Variants in PRR16 observed in about 807,000 individuals in gnomAD.
PRR16 encodes protein Largen.
Under a neutral mutation model 18.2 loss-of-function variants are expected in PRR16, and 6 were observed. The ratio of observed to expected loss-of-function variants is 0.33; its 90% CI spans 0.18 to 0.65. The LOEUF (loss-of-function observed/expected upper bound fraction) is 0.65, where lower values mean the gene tolerates loss of function less well. PRR16 is among the 30% of genes least tolerant of loss of function. The pLI is 0.74. For synonymous variants in PRR16, 151 were observed against 147.8 expected (o/e 1.02, Z -0.16); for missense variants, 412 against 376.6 (o/e 1.09, Z -0.78).
chr5:120,614,485 T>A (rs74535708), intron 1 of PRR16, among the ~76,000 whole-genome samples: 8,941 of 152,328 alleles, frequency 0.059, 340 homozygotes, highest in South Asian at 0.085. Flanking sequence ...GACATTTTCC[T>A]TGTAGTATGG....
Position 120,501,769 on chromosome 5 carries a change from C to A in PRR16, c.159+37124C>A, listed in dbSNP as rs567888383. 4.2e-3 allele frequency among the ~76,000 whole-genome samples: 641 copies of A among 151,712 alleles called. 2 individuals carry two copies. Among genetic ancestry groups the A allele is most frequent in the Non-Finnish European group, 7.0e-3 (473 of 67,862 alleles). ...CAGGAGACTGAGACCATCCTGGCTA[C>A]CACAGTGAAACCCTGTCTCAACTAA... On this transcript the variant is annotated intron_variant, in intron 1 of 1. Transcript: ENST00000407149.
chr5:120,718,136 A>G, the PRR16 span, among the ~76,000 whole-genome samples: 5 of 152,260 alleles, frequency 3.3e-5, no homozygotes, highest in Admixed American at 2.0e-4. Flanking sequence ...TCACTAATGC[A>G]TAAGATAATA....
the PRR16 span, among the ~76,000 whole-genome samples, chr5:120,739,738 C>T: frequency 6.6e-6 from 1 of 152,220 alleles, no homozygotes; most frequent in East Asian, 1.9e-4. Context: ...ATCATTAGCA[C>T]AAATTATCAA....
At chr5:120,738,356 A>G in the PRR16 span, among the ~76,000 whole-genome samples, 1 of 152,082 alleles carries the variant, frequency 6.6e-6, no homozygotes, top group Non-Finnish European at 1.5e-5. Context: ...CCAGCCTAGT[A>G]TCTGGGGTTT....
the PRR16 span, among the ~76,000 whole-genome samples, chr5:120,759,430 A>G: frequency 1.3e-5 from 2 of 152,134 alleles, no homozygotes; most frequent in Non-Finnish European, 2.9e-5. Flanking sequence ...AAAAAAGACT[A>G]TATACTATAT....
chr5:120,591,733 C>T (rs560003262), intron 1 of PRR16, among the ~76,000 whole-genome samples: 97 of 152,038 alleles, frequency 6.4e-4, no homozygotes, highest in African/African-American at 1.8e-3. Context: ...AAGTAGCCTT[C>T]GTTGATTTCA....
intron 1 of PRR16, among the ~76,000 whole-genome samples, chr5:120,598,983 T>G (rs1753899662): frequency 6.6e-6 from 1 of 151,944 alleles, no homozygotes; most frequent in African/African-American, 2.4e-5. Flanking sequence ...AAAATCAGAG[T>G]GTAGCTTTTT....
intron 1 of PRR16, among the ~76,000 whole-genome samples, chr5:120,614,717 T>G (rs1242864094): frequency 6.6e-6 from 1 of 152,174 alleles, no homozygotes; most frequent in Non-Finnish European, 1.5e-5. Context: ...TTGGTAATAG[T>G]TTTTCCACTG....
At chr5:120,576,691 A>G (rs1753089666) in intron 1 of PRR16, among the ~76,000 whole-genome samples, 1 of 152,140 alleles carries the variant, frequency 6.6e-6, no homozygotes, top group African/African-American at 2.4e-5. Flanking sequence ...TGAGTAGGAC[A>G]GTTTGAGACC....
chr5:120,734,722 T>C, the PRR16 span, among the ~76,000 whole-genome samples: 1 of 152,214 alleles, frequency 6.6e-6, no homozygotes, highest in Non-Finnish European at 1.5e-5. Context: ...GTAGTCCTTT[T>C]ATTTGTCTTT....
chr5:120,569,914 A>C (rs1177936185), intron 1 of PRR16, among the ~76,000 whole-genome samples: 19 of 152,176 alleles, frequency 1.2e-4, no homozygotes, highest in Admixed American at 1.2e-3. Flanking sequence ...TCTCTGCTTA[A>C]AGAAAAAGAA....
In PRR16 at chr5:120,679,244, G is replaced by C. The variant is rs534540221; in HGVS notation, c.160-6710G>C. On this transcript the variant is annotated intron_variant, in intron 1 of 1. Coordinates refer to ENST00000407149, the MANE Select transcript of PRR16 (RefSeq NM_001300783.2). ...ATTTGGACAAATGACTCAATTTCAAGTTTCAGATACATTTTTTTCTAGATA... is the reference window on the plus strand; with the variant it reads ...ATTTGGACAAATGACTCAATTTCAACTTTCAGATACATTTTTTTCTAGATA... 7.9e-5 allele frequency among the ~76,000 whole-genome samples: 12 copies of C among 152,152 alleles called. No individual in the cohort carries two copies. In the East Asian group the frequency reaches 9.7e-4, roughly 12 times the overall value.
At chr5:120,656,467 C>CA (rs34228222) in intron 1 of PRR16, among the ~76,000 whole-genome samples, 9,282 of 93,172 alleles carry the variant, frequency 0.1, 421 homozygotes, top group Middle Eastern at 0.13. Flanking sequence ...TAATCACTCT[C>CA]AAAAAAAAAA....
At chr5:120,682,438 T>C (rs998083079) in intron 1 of PRR16, among the ~76,000 whole-genome samples, 1 of 152,164 alleles carries the variant, frequency 6.6e-6, no homozygotes, top group African/African-American at 2.4e-5. Context: ...TTTTTTATTC[T>C]CTTGGAATTT....
the PRR16 span, among the ~76,000 whole-genome samples, chr5:120,712,069 G>T: frequency 1.3e-5 from 2 of 152,114 alleles, no homozygotes; most frequent in Admixed American, 6.6e-5. Context: ...TATCACTAAT[G>T]ACTGGGCTAA....
At chr5:120,620,255 A>G (rs896613288) in intron 1 of PRR16, among the ~76,000 whole-genome samples, 4 of 152,160 alleles carry the variant, frequency 2.6e-5, no homozygotes, top group Non-Finnish European at 5.9e-5. Context: ...GTGACCTTGA[A>G]TATTATAACA....
chr5:120,491,936 TG>T (rs996646787), intron 1 of PRR16, among the ~76,000 whole-genome samples: 1 of 152,190 alleles, frequency 6.6e-6, no homozygotes, highest in Non-Finnish European at 1.5e-5. Context: ...CATACAACTT[TG>T]ATAACAAAAT....
chr5:120,559,916 T>A (rs962789609), intron 1 of PRR16, among the ~76,000 whole-genome samples: 1 of 151,874 alleles, frequency 6.6e-6, no homozygotes, highest in Non-Finnish European at 1.5e-5. Flanking sequence ...GTAAAATAGA[T>A]AATTTTTTAT....
At chr5:120,778,573 G>A in the PRR16 span, among the ~76,000 whole-genome samples, 5 of 152,166 alleles carry the variant, frequency 3.3e-5, no homozygotes, top group Non-Finnish European at 5.9e-5. Context: ...AAGTCCAATA[G>A]CTTCAGGGAC....
Sources: allele counts gnomAD v4.1 joint callset (sites outside exome capture counted in the v4.1 genomes callset), GRCh38; gene constraint gnomAD v4.1.1; transcripts MANE v1.5; gene names NCBI Gene and HGNC (gene_info 2026-07-23, HGNC 2026-07-21).